Variants in PTK2B observed in about 807,000 individuals in gnomAD.
PTK2B encodes the protein protein-tyrosine kinase 2-beta.
A neutral mutation model predicts 142.9 loss-of-function variants in PTK2B; 71 were observed. That is an observed-to-expected ratio of 0.50 (90% CI 0.41 to 0.61). The LOEUF is 0.61. Ranked by LOEUF, PTK2B falls within the 20% of genes least tolerant of loss-of-function variation. The probability of loss-of-function intolerance (pLI) is 0.00; values close to 1 mark genes in which losing one functional copy is unlikely to be tolerated. For synonymous variants in PTK2B, 519 were observed against 503.4 expected, an observed-to-expected ratio of 1.03 and a Z score of -0.42; for missense variants, 1,105 against 1,320.4, an observed-to-expected ratio of 0.84 and a Z score of 2.53.
chr8:27,427,479 T>C (rs1184656827), intron 5 of PTK2B, among the ~76,000 whole-genome samples: 1 of 152,212 alleles, frequency 6.6e-6, no homozygotes, highest in Non-Finnish European at 1.5e-5. Flanking sequence ...CACAGTTGAA[T>C]AAATGGATAA....
chr8:27,431,069 G>C, intron 8 of PTK2B, 53 bp downstream of exon 8: 1 of 1,579,014 alleles, frequency 6.3e-7, no homozygotes, highest in Non-Finnish European at 8.6e-7. Context: ...AGGCCTCTCG[G>C]AAAAGGGGGC....
chr8:27,435,287 C>G (rs537436054), intron 13 of PTK2B, among the ~76,000 whole-genome samples: 120 of 152,328 alleles, frequency 7.9e-4, no homozygotes, highest in Admixed American at 1.2e-3. Flanking sequence ...AGCACAGATC[C>G]CATTATGGGG....
At chr8:27,315,459 G>A (rs956071801) in intron 3 of PTK2B, among the ~76,000 whole-genome samples, 13 of 152,172 alleles carry the variant, frequency 8.5e-5, no homozygotes, top group Admixed American at 2.6e-4. Context: ...GGCTAACAAC[G>A]CTACACTCCA....
intron 1 of PTK2B, among the ~76,000 whole-genome samples, chr8:27,362,325 G>A (rs1219785578): frequency 6.6e-6 from 1 of 152,162 alleles, no homozygotes; most frequent in African/African-American, 2.4e-5. Context: ...TATCGGCATG[G>A]CAGGTATGTG....
chr8:27,312,962 T>C (rs1345208757), intron 2 of PTK2B, among the ~76,000 whole-genome samples: 1 of 152,178 alleles, frequency 6.6e-6, no homozygotes, highest in Non-Finnish European at 1.5e-5. Context: ...TCTTGCCTCC[T>C]TGGAAGAAAG....
intron 1 of PTK2B, among the ~76,000 whole-genome samples, chr8:27,359,982 C>A (rs1805605566): frequency 6.6e-6 from 1 of 152,174 alleles, no homozygotes; most frequent in Admixed American, 6.5e-5. Context: ...AGCTTTAGTG[C>A]CCACACACTG....
chr8:27,440,268 G>A lies in PTK2B; in HGVS notation c.1866G>A (p.Gly622=). The change falls in exon 21 of 31, where the codon GGG becomes GGA. Residue 622 remains glycine, a synonymous_variant. Transcript: ENST00000346049. ...AVCMWEILSF[G]KQPFFWLENK... The stretch of plus-strand genomic sequence containing the variant: ...GCATGTGGGAGATCCTGAGCTTTGG[G>A]AAGCAGCCCTTCTTCTGGCTGGAGA... 1 of 1,614,230 alleles carries A rather than the reference G, an allele frequency of 6.2e-7. No individual in the cohort carries two copies. Among genetic ancestry groups the A allele is most frequent in the Non-Finnish European group, 8.5e-7 (1 of 1,180,044 alleles).
intron 3 of PTK2B, among the ~76,000 whole-genome samples, chr8:27,316,240 A>G (rs1803091313): frequency 6.6e-6 from 1 of 152,038 alleles, no homozygotes; most frequent in South Asian, 2.1e-4. Flanking sequence ...AACTTTTTAA[A>G]TTGTTAAGAA....
upstream of PTK2B, among the ~76,000 whole-genome samples, chr8:27,310,522 C>A (rs1802905267): frequency 6.6e-6 from 1 of 152,272 alleles, no homozygotes; most frequent in African/African-American, 2.4e-5. Flanking sequence ...GGTGCATGGC[C>A]TGGGCCCTTC....
intron 8 of PTK2B, 116 bp from the exon 9 acceptor site, chr8:27,431,282 G>A (rs1229841169): frequency 1.3e-6 from 2 of 1,569,064 alleles, no homozygotes; most frequent in Non-Finnish European, 1.7e-6. Flanking sequence ...TCGGTGAGAA[G>A]GAGCTGGAGA....
At chr8:27,310,933 G>C, upstream of PTK2B, 2 of 1,612,422 alleles carry the variant, frequency 1.2e-6, no homozygotes, top group Non-Finnish European at 1.7e-6. Flanking sequence ...GGTGCAGGCG[G>C]CAGACACGCG....
chr8:27,341,955 G>A (rs1804427285), intron 1 of PTK2B, among the ~76,000 whole-genome samples: 1 of 152,100 alleles, frequency 6.6e-6, no homozygotes, highest in Admixed American at 6.5e-5. Context: ...GGATTACACA[G>A]GTATGATCCA....
intron 1 of PTK2B, among the ~76,000 whole-genome samples, chr8:27,337,028 T>C (rs1205491892): frequency 1.3e-5 from 2 of 149,704 alleles, no homozygotes; most frequent in African/African-American, 2.5e-5. Flanking sequence ...TTAATACTTA[T>C]TGATGAATAG....
In PTK2B at chr8:27,419,926, G is replaced by A. The variant is rs775741138; in HGVS notation, c.236G>A (p.Arg79Gln). Residue 79 changes from arginine to glutamine, a missense_variant, in exon 3 of 31, where the codon CGG becomes CAG. Transcript: ENST00000346049. Reference protein sequence around the residue: ...EIITSILLSGRIGPNIRLAEC... With the variant: ...EIITSILLSGQIGPNIRLAEC... ...ATCACCTCCATCCTGCTGAGCGGGC[G>A]GATCGGGCCCAACATCCGGTTGGCT... 46 of 1,614,058 alleles carry A rather than the reference G, an allele frequency of 2.8e-5. No individual in the cohort carries two copies. The East Asian group carries it at 4.0e-4, about 14-fold the overall frequency.
At chr8:27,369,232 T>G (rs2130892493) in intron 1 of PTK2B, among the ~76,000 whole-genome samples, 1 of 152,264 alleles carries the variant, frequency 6.6e-6, no homozygotes, top group African/African-American at 2.4e-5. Flanking sequence ...CCCTACAGCT[T>G]ACCTTCTACC....
chr8:27,385,221 A>G (rs1056485011), intron 1 of PTK2B, among the ~76,000 whole-genome samples: 2 of 152,198 alleles, frequency 1.3e-5, no homozygotes, highest in African/African-American at 4.8e-5. Context: ...GGGCTACGGA[A>G]GCACTCTGTT....
intron 1 of PTK2B, among the ~76,000 whole-genome samples, chr8:27,352,261 T>C (rs1192329772): frequency 6.6e-6 from 1 of 152,268 alleles, no homozygotes; most frequent in Non-Finnish European, 1.5e-5. Context: ...CGTATCTTGA[T>C]AAGCTGCCAA....
intron 2 of PTK2B, among the ~76,000 whole-genome samples, chr8:27,415,802 C>T (rs1417989172): frequency 6.6e-6 from 1 of 152,078 alleles, no homozygotes; most frequent in Non-Finnish European, 1.5e-5. Flanking sequence ...AATTTATAAA[C>T]TACTTAGAAA....
At chr8:27,311,686 G>A (rs1586063878) in exon 1 of PTK2B, 1 of 180,588 alleles carries the variant, frequency 5.5e-6, no homozygotes, top group East Asian at 1.5e-4. Flanking sequence ...TGCTTCCGAA[G>A]TAGTGGCTGG....
Sources: gnomAD v4.1 joint callset for allele counts (sites outside exome capture counted in the v4.1 genomes callset) on GRCh38, gnomAD v4.1.1 for gene constraint, MANE v1.5 for transcripts, NCBI Gene and HGNC (gene_info 2026-07-23, HGNC 2026-07-21) for gene names.